The following NELL1 variants were observed in gnomAD, a reference collection of about 807,000 sequenced individuals.
The protein encoded by NELL1 is protein kinase C-binding protein NELL1.
A neutral mutation model predicts 107.4 loss-of-function variants in NELL1; 76 were observed. That is an observed-to-expected ratio of 0.71 (90% CI 0.59 to 0.86). NELL1 has a LOEUF of 0.86. Among genes scored for constraint, NELL1 ranks in the 40% least tolerant of loss-of-function variants. The pLI is 0.00. For missense variants in NELL1, 1,024 were observed against 1,005.5 expected (o/e 1.02, Z -0.25); for synonymous variants, 353 against 341.2 (o/e 1.03, Z -0.38).
intron 4 of NELL1, among the ~76,000 whole-genome samples, chr11:20,869,356 A>G (rs1849154653): frequency 6.6e-6 from 1 of 152,222 alleles, no homozygotes; most frequent in African/African-American, 2.4e-5. Flanking sequence ...CATTTACTTG[A>G]GTAATTCTTC....
At chr11:21,072,649 A>C (rs1307071061) in intron 12 of NELL1, among the ~76,000 whole-genome samples, 1 of 152,198 alleles carries the variant, frequency 6.6e-6, no homozygotes. Context: ...AAAGCTTGGC[A>C]AAGATTTATA....
chr11:21,219,080 A>G (rs755077465), intron 13 of NELL1, among the ~76,000 whole-genome samples: 1 of 152,090 alleles, frequency 6.6e-6, no homozygotes, highest in Admixed American at 6.6e-5. Flanking sequence ...TAAGGGTTGT[A>G]CTAATTTATA....
intron 13 of NELL1, among the ~76,000 whole-genome samples, chr11:21,163,539 T>C (rs1027000982): frequency 6.6e-6 from 1 of 152,174 alleles, no homozygotes; most frequent in Non-Finnish European, 1.5e-5. Context: ...TATTTGGAGA[T>C]ACAGTATTTA....
chr11:20,870,398 G>T (rs762456794), intron 4 of NELL1, among the ~76,000 whole-genome samples: 1 of 150,998 alleles, frequency 6.6e-6, no homozygotes, highest in Non-Finnish European at 1.5e-5. Context: ...TAAAGGAGTC[G>T]CCTGTGTGTC....
At chr11:20,852,680 G>A (rs1245360949) in intron 4 of NELL1, among the ~76,000 whole-genome samples, 1 of 152,186 alleles carries the variant, frequency 6.6e-6, no homozygotes, top group African/African-American at 2.4e-5. Flanking sequence ...GCCAGGCTGA[G>A]ACTCTCAATC....
chr11:21,170,201 A>G (rs1856573589), intron 13 of NELL1: 1 of 526,470 alleles, frequency 1.9e-6, no homozygotes, highest in Non-Finnish European at 3.4e-6. Flanking sequence ...CCCAAAACTC[A>G]TCTGTCGAAC....
rs559927470 is a variant in NELL1 at position 20,870,949 on chromosome 11, C to G, written c.507-14495C>G. On this transcript the variant is annotated intron_variant, in intron 4 of 19. Coordinates refer to ENST00000357134, the MANE Select transcript of NELL1 (RefSeq NM_006157.5). ...TTGCTACAAAGCAGAAGTCAAGGCA[C>G]ACAAGTTATCCTCTCTGTAAACATT... is the stretch of plus-strand genomic sequence containing the variant. 6.8e-4 allele frequency among the ~76,000 whole-genome samples: 103 copies of G among 152,276 alleles called. No homozygotes were observed. The Middle Eastern group carries it at 0.017, about 25-fold the overall frequency.
intron 5 of NELL1, among the ~76,000 whole-genome samples, chr11:20,915,718 T>TA (rs375263928): frequency 0.062 from 3,000 of 48,058 alleles, 57 homozygotes; most frequent in African/African-American, 0.087. Flanking sequence ...TATATATATA[T>TA]TTTTTTTTTT....
chr11:20,808,711 C>T (rs1857437327), intron 3 of NELL1, among the ~76,000 whole-genome samples: 1 of 152,222 alleles, frequency 6.6e-6, no homozygotes, highest in South Asian at 2.1e-4. Context: ...TGGGGATTCC[C>T]TTCTAGCTAG....
At chr11:20,786,023 A>G (rs1426163722) in intron 3 of NELL1, among the ~76,000 whole-genome samples, 3 of 146,190 alleles carry the variant, frequency 2.1e-5, no homozygotes, top group Admixed American at 7.4e-5. Flanking sequence ...ATTGTAATAG[A>G]AAAACTTCAG....
intron 14 of NELL1, among the ~76,000 whole-genome samples, chr11:21,352,335 C>G (rs1340902573): frequency 6.6e-6 from 1 of 152,044 alleles, no homozygotes; most frequent in Non-Finnish European, 1.5e-5. Flanking sequence ...GGAACATTAT[C>G]TGTTTTGATC....
chr11:21,315,606 A>C (rs1388691489), intron 14 of NELL1, among the ~76,000 whole-genome samples: 3 of 152,152 alleles, frequency 2.0e-5, no homozygotes, highest in African/African-American at 7.2e-5. Flanking sequence ...GTTTTTTTCA[A>C]AAGTGTTCTT....
rs143973728 is a variant in NELL1, at chr11:21,419,537, G to A, written c.1645+48589G>A. Among the ~76,000 whole-genome samples, 8 of 152,092 alleles carry A rather than the reference G, an allele frequency of 5.3e-5. No individual in the cohort carries two copies. In the East Asian group the frequency reaches 1.6e-3, roughly 29 times the overall value. On this transcript the variant is annotated intron_variant, in intron 15 of 19. Coordinates refer to ENST00000357134, the MANE Select transcript of NELL1 (RefSeq NM_006157.5). ...CTTTACAGCAACTGTTGTCATCAAC[G>A]GCATGTACCAAAATTCTCTGAGGAA... is the stretch of plus-strand genomic sequence containing the variant.
intron 12 of NELL1, among the ~76,000 whole-genome samples, chr11:20,971,478 C>A (rs1167057458): frequency 2.0e-5 from 3 of 152,104 alleles, no homozygotes; most frequent in Non-Finnish European, 4.4e-5. Flanking sequence ...TAATACCTTT[C>A]AACTATCTCT....
chr11:20,759,960 C>T (rs1278642405), intron 2 of NELL1, among the ~76,000 whole-genome samples: 5 of 152,200 alleles, frequency 3.3e-5, no homozygotes, highest in Non-Finnish European at 7.3e-5. Flanking sequence ...TGTTCTTATA[C>T]CTCTAAACAT....
chr11:20,755,559 T>TTTTTA (rs1337491294), intron 2 of NELL1, among the ~76,000 whole-genome samples: 6 of 17,664 alleles, frequency 3.4e-4, no homozygotes, highest in East Asian at 1.2e-3. Flanking sequence ...TGTTTTTGTT[T>TTTTTA]TTGTTTTTTT....
chr11:21,454,602 C>T (rs893625563), intron 15 of NELL1, among the ~76,000 whole-genome samples: 26 of 152,264 alleles, frequency 1.7e-4, no homozygotes, highest in East Asian at 1.2e-3. Context: ...TTAGCTAGGG[C>T]TGCTGTAACA....
At chr11:21,382,812 G>T (rs915399477) in intron 15 of NELL1, among the ~76,000 whole-genome samples, 5 of 151,898 alleles carry the variant, frequency 3.3e-5, no homozygotes, top group African/African-American at 1.2e-4. Flanking sequence ...AGCAGATCCT[G>T]CTTCTCACCA....
intron 13 of NELL1, among the ~76,000 whole-genome samples, chr11:21,181,532 C>T (rs1178595523): frequency 3.3e-5 from 5 of 151,890 alleles, no homozygotes; most frequent in South Asian, 2.1e-4. Flanking sequence ...TGCAAAGCTC[C>T]TCTTTTCCTT....
Sources: allele counts gnomAD v4.1 joint callset (sites outside exome capture counted in the v4.1 genomes callset), GRCh38; gene constraint gnomAD v4.1.1; transcripts MANE v1.5; gene names NCBI Gene and HGNC (gene_info 2026-07-23, HGNC 2026-07-21).